Variants in BMERB1 observed in about 807,000 individuals in gnomAD.
BMERB1 encodes the protein bMERB domain-containing protein 1.
A neutral mutation model predicts 23.6 loss-of-function variants in BMERB1; 12 were observed. That is an observed-to-expected ratio of 0.51 (90% CI 0.33 to 0.82). BMERB1 has a LOEUF of 0.82. Ranked by LOEUF, BMERB1 falls within the 40% of genes least tolerant of loss-of-function variation. The pLI, the probability that BMERB1 is intolerant of heterozygous loss-of-function variation, is 0.03. For missense variants in BMERB1, 247 were observed against 255.4 expected, an observed-to-expected ratio of 0.97 and a Z score of 0.22; for synonymous variants, 122 against 96.6, an observed-to-expected ratio of 1.26 and a Z score of -1.54.
chr16:15,544,715 G>A (rs2052115871), intron 2 of BMERB1, among the ~76,000 whole-genome samples: 1 of 152,132 alleles, frequency 6.6e-6, no homozygotes, highest in Non-Finnish European at 1.5e-5. Flanking sequence ...CCTGAAGGCA[G>A]ATAAAGACAT....
chr16:15,459,987 C>G (rs2051121357), intron 1 of BMERB1, among the ~76,000 whole-genome samples: 1 of 152,156 alleles, frequency 6.6e-6, no homozygotes, highest in South Asian at 2.1e-4. Context: ...TACCTCATTC[C>G]TTAGTCATCC....
intron 1 of BMERB1, among the ~76,000 whole-genome samples, chr16:15,498,107 G>A (rs1019987898): frequency 2.0e-5 from 3 of 152,148 alleles, no homozygotes; most frequent in Non-Finnish European, 4.4e-5. Context: ...TCACCTGCTT[G>A]AAGGGCAGCT....
At chr16:15,502,855 T>G (rs1033503062) in intron 1 of BMERB1, among the ~76,000 whole-genome samples, 4 of 152,142 alleles carry the variant, frequency 2.6e-5, no homozygotes, top group African/African-American at 9.7e-5. Context: ...GGCCAAGAGA[T>G]GGTCCCCATG....
chr16:15,472,117 G>A (rs548536581), intron 1 of BMERB1, among the ~76,000 whole-genome samples: 2 of 152,236 alleles, frequency 1.3e-5, no homozygotes, highest in East Asian at 3.9e-4. Context: ...TATGGTCAGG[G>A]AATATAACAC....
At chr16:15,439,742 A>C (rs998802559) in intron 1 of BMERB1, among the ~76,000 whole-genome samples, 21 of 152,198 alleles carry the variant, frequency 1.4e-4, no homozygotes, top group African/African-American at 5.1e-4. Context: ...TTAGATATAT[A>C]AAAATACTGC....
At chr16:15,530,647 C>A (rs1177180497) in intron 2 of BMERB1, among the ~76,000 whole-genome samples, 2 of 152,090 alleles carry the variant, frequency 1.3e-5, no homozygotes, top group South Asian at 2.1e-4. Flanking sequence ...GAATTGTAAT[C>A]CCATAATCCC....
intron 1 of BMERB1, among the ~76,000 whole-genome samples, chr16:15,441,426 C>T (rs1199295199): frequency 6.6e-6 from 1 of 151,980 alleles, no homozygotes; most frequent in Non-Finnish European, 1.5e-5. Flanking sequence ...TTCTCTTGCC[C>T]AGGCTGGAGT....
chr16:15,472,495 T>A (rs1567459518), intron 1 of BMERB1, among the ~76,000 whole-genome samples: 1 of 152,356 alleles, frequency 6.6e-6, no homozygotes, highest in East Asian at 1.9e-4. Context: ...TTTATCATGA[T>A]GTAATGTCTC....
rs186473127 is a variant in BMERB1 at position 15,470,905 on chromosome 16, C to A, written c.106+36146C>A. ...AGGCTGCAGTGCAGTGGTGCAATCT[C>A]GGCTCACTGCAACCTCTCCCTCCCA... On this transcript the variant is annotated intron_variant, in intron 1 of 5. Coordinates refer to ENST00000300006, the MANE Select transcript of BMERB1 (RefSeq NM_033201.3). Among the ~76,000 whole-genome samples, 1,206 of 131,590 alleles carry A rather than the reference C, an allele frequency of 9.2e-3. 69 individuals are homozygous for A. The Admixed American group carries it at 0.096, about 10-fold the overall frequency. 86.3% of individuals were successfully genotyped at this position (131,590 alleles called of 152,430 possible). A position where few individuals can be genotyped will look rare whatever the true frequency, so the allele number is the denominator to read the frequency against.
At chr16:15,480,606 C>CTTTTTT (rs1159247360) in intron 1 of BMERB1, among the ~76,000 whole-genome samples, 21 of 59,004 alleles carry the variant, frequency 3.6e-4, no homozygotes, top group African/African-American at 6.0e-4. Flanking sequence ...ATTCCACTGT[C>CTTTTTT]TTTTTTTTTT....
intron 2 of BMERB1, among the ~76,000 whole-genome samples, chr16:15,531,505 A>G (rs78508120): frequency 0.017 from 2,585 of 152,282 alleles, 80 homozygotes; most frequent in African/African-American, 0.06. Context: ...CAATTCATAT[A>G]AGGGCCAAGC....
chr16:15,469,950 C>T (rs1311913664), intron 1 of BMERB1, among the ~76,000 whole-genome samples: 1 of 152,124 alleles, frequency 6.6e-6, no homozygotes, highest in Non-Finnish European at 1.5e-5. Flanking sequence ...TTATTTCTTC[C>T]TTCCTAATTT....
chr16:15,564,000 T>C (rs966265390), intron 2 of BMERB1, among the ~76,000 whole-genome samples: 1 of 152,044 alleles, frequency 6.6e-6, no homozygotes, highest in Non-Finnish European at 1.5e-5. Context: ...CAGCTGGTTG[T>C]TAAAAAAAGC....
intron 2 of BMERB1, among the ~76,000 whole-genome samples, chr16:15,549,281 G>A (rs1426215069): frequency 2.0e-5 from 3 of 148,154 alleles, no homozygotes; most frequent in Non-Finnish European, 3.0e-5. Flanking sequence ...GGAGGTTGCA[G>A]TAAGCCCAGA....
At chr16:15,476,730 G>A (rs192680656) in intron 1 of BMERB1, among the ~76,000 whole-genome samples, 20 of 152,286 alleles carry the variant, frequency 1.3e-4, no homozygotes, top group African/African-American at 4.3e-4. Flanking sequence ...GGAGAGAGAC[G>A]GGAGACCCAT....
rs61060358 is a variant in BMERB1, at chr16:15,587,836, G to A, written c.*1007G>A. The stretch of plus-strand genomic sequence containing the variant: ...CATGTACATTTGCAACAGCCAGCCC[G>A]GTACAGCCTGTGTGACTTCTCTGTA... On this transcript the variant is annotated 3_prime_UTR_variant, in exon 6 of 6. Coordinates refer to ENST00000300006, the MANE Select transcript of BMERB1 (RefSeq NM_033201.3). The A allele has an allele frequency of 1.8e-3, 403 of 224,174 alleles. 2 individuals carry two copies. Among genetic ancestry groups the A allele is most frequent in the African/African-American group, 8.5e-3 (366 of 43,248 alleles). The allele number at this position is 224,174 out of a possible 1,614,324, so 13.9% of individuals were successfully genotyped here.
chr16:15,458,130 T>C (rs1021438814), intron 1 of BMERB1, among the ~76,000 whole-genome samples: 2 of 152,202 alleles, frequency 1.3e-5, no homozygotes, highest in Non-Finnish European at 1.5e-5. Flanking sequence ...CATATCAGAC[T>C]TCTTACCTTC....
At chr16:15,574,926 A>G (rs2075893085) in intron 3 of BMERB1, among the ~76,000 whole-genome samples, 1 of 152,040 alleles carries the variant, frequency 6.6e-6, no homozygotes, top group African/African-American at 2.4e-5. Context: ...TAAAATTACA[A>G]AAATTAGCCG....
At chr16:15,447,838 G>A (rs1175109980) in intron 1 of BMERB1, 1 of 455,800 alleles carries the variant, frequency 2.2e-6, no homozygotes, top group Non-Finnish European at 4.4e-6. Context: ...AAAAGGACTG[G>A]CAATATGGGG....
Sources: gnomAD v4.1 joint callset for allele counts (sites outside exome capture counted in the v4.1 genomes callset) on GRCh38, gnomAD v4.1.1 for gene constraint, MANE v1.5 for transcripts, NCBI Gene and HGNC (gene_info 2026-07-23, HGNC 2026-07-21) for gene names.